The following NBPF20 variants were observed in gnomAD, a reference collection of about 807,000 sequenced individuals.
The protein encoded by NBPF20 is NBPF family member NBPF20.
Under a neutral mutation model 68.1 loss-of-function variants are expected in NBPF20, and 90 were observed. That is an observed-to-expected ratio of 1.32 (90% CI 1.11 to 1.58). NBPF20 has a LOEUF of 1.58. Among genes scored for constraint, NBPF20 ranks in the 40% most tolerant of loss-of-function variants. The probability of loss-of-function intolerance (pLI) is 0.00; values close to 1 mark genes in which losing one functional copy is unlikely to be tolerated. For synonymous variants in NBPF20, 290 were observed against 228.1 expected (o/e 1.27, Z -2.45); for missense variants, 816 against 601.2 (o/e 1.36, Z -3.74).
chr1:145,393,518 G>A (rs1398580494), intron 9 of NBPF20, among the ~76,000 whole-genome samples: 4 of 151,664 alleles, frequency 2.6e-5, no homozygotes, highest in Non-Finnish European at 4.4e-5. Flanking sequence ...TTGGTCAGGT[G>A]ACACACTGAT....
intron 7 of NBPF20, among the ~76,000 whole-genome samples, chr1:145,397,655 G>T (rs61810783): frequency 1.3e-5 from 2 of 152,138 alleles, no homozygotes; most frequent in African/African-American, 4.8e-5. Context: ...GACCATTGAC[G>T]CTAGGAAGAA....
At chr1:145,400,069 T>C (rs1254442828) in intron 6 of NBPF20, among the ~76,000 whole-genome samples, 1 of 152,140 alleles carries the variant, frequency 6.6e-6, no homozygotes, top group Admixed American at 6.6e-5. Flanking sequence ...TGGACATTGT[T>C]CAGGGACAGA....
At chr1:145,423,996 G>T in the NBPF20 span, among the ~76,000 whole-genome samples, 1 of 144,826 alleles carries the variant, frequency 6.9e-6, no homozygotes, top group Admixed American at 6.9e-5. Context: ...TTTTTTTGGA[G>T]ACAGGGTCTC....
At chr1:145,400,391 G>T (rs1662463994) in exon 6 of NBPF20, 2 of 1,612,758 alleles carry the variant, frequency 1.2e-6, no homozygotes, top group Non-Finnish European at 1.7e-6. Context: ...GAGGCTACCT[G>T]GAATAATGTG....
At chr1:145,291,428 G>A (rs782159895) in exon 138 of NBPF20, 36 of 1,609,444 alleles carry the variant, frequency 2.2e-5, no homozygotes, top group Non-Finnish European at 2.9e-5. Flanking sequence ...CCCATCCTAT[G>A]TCTGGGCTTC....
chr1:145,419,116 G>T, the NBPF20 span, among the ~76,000 whole-genome samples: 1 of 142,872 alleles, frequency 7.0e-6, no homozygotes, highest in African/African-American at 2.6e-5. Flanking sequence ...AGGGAGGGAG[G>T]GAGGCAGGGA....
At position 145,404,208 on chromosome 1, in the gene NBPF20, G is replaced by A. The variant is rs1849719; in HGVS notation, c.175+890C>T. 2.0e-3 allele frequency among the ~76,000 whole-genome samples: 304 copies of A among 149,268 alleles called. 1 individual carries two copies. Among genetic ancestry groups the A allele is most frequent in the African/African-American group, 7.3e-3 (292 of 40,226 alleles). On this transcript the variant is annotated intron_variant, in intron 2 of 137. Transcript: ENST00000369373. ...CCTGTGCACCAGGAAACAGGACTTC[G>A]CTCTCACCAAGCTACTCTCTGCTTT...
chr1:145,409,382 C>G (rs1337569244), upstream of NBPF20, among the ~76,000 whole-genome samples: 10 of 148,392 alleles, frequency 6.7e-5, no homozygotes, highest in Non-Finnish European at 7.5e-5. Context: ...ACAGGCCTCC[C>G]TAACAACTGT....
At chr1:145,422,872 G>A in the NBPF20 span, among the ~76,000 whole-genome samples, 10 of 150,056 alleles carry the variant, frequency 6.7e-5, no homozygotes, top group East Asian at 2.0e-4. Flanking sequence ...TCCTATAGTC[G>A]CAGCTACTCA....
exon 5 of NBPF20, chr1:145,401,074 T>G (rs1238893790): frequency 1.9e-6 from 3 of 1,608,222 alleles, no homozygotes; most frequent in Admixed American, 1.7e-5. Flanking sequence ...GGCAGACGAT[T>G]TCTGCACTTT....
chr1:145,292,662 T>A (rs1661214506), intron 136 of NBPF20, among the ~76,000 whole-genome samples, 173 bp from the exon 142 acceptor site: 1 of 147,188 alleles, frequency 6.8e-6, no homozygotes, highest in Non-Finnish European at 1.5e-5. Context: ...CTTCCTCGGT[T>A]TTTCTCCCAG....
upstream of NBPF20, among the ~76,000 whole-genome samples, chr1:145,410,036 T>G (rs1325058389): frequency 6.6e-6 from 1 of 152,010 alleles, no homozygotes; most frequent in Non-Finnish European, 1.5e-5. Context: ...AGACACAGTG[T>G]GTAAATTCCT....
chr1:145,409,506 G>A (rs1236806656), upstream of NBPF20, among the ~76,000 whole-genome samples: 3 of 149,426 alleles, frequency 2.0e-5, no homozygotes, highest in Admixed American at 6.7e-5. Context: ...TTTTGCCTAG[G>A]TTTTTCCTGG....
At chr1:145,394,274 T>C (rs1256465261) in intron 8 of NBPF20, among the ~76,000 whole-genome samples, 1 of 151,486 alleles carries the variant, frequency 6.6e-6, no homozygotes, top group Non-Finnish European at 1.5e-5. Flanking sequence ...TTAAGCTTTC[T>C]CTCATCAAAT....
At chr1:145,400,717 T>A (rs1213595861) in intron 5 of NBPF20, 123 bp from the exon 11 acceptor site, 1 of 1,457,222 alleles carries the variant, frequency 6.9e-7, no homozygotes, top group African/African-American at 1.4e-5. Flanking sequence ...AAAATGGAGG[T>A]TCCCATTAAG....
intron 2 of NBPF20, among the ~76,000 whole-genome samples, chr1:145,404,804 G>T (rs1396767674): frequency 6.6e-6 from 1 of 151,272 alleles, no homozygotes. Context: ...GTACAGAGAG[G>T]ATTCTTGAAA....
chr1:145,292,328 G>A (rs1661173472), intron 137 of NBPF20, 53 bp downstream of exon 142: 2 of 638,954 alleles, frequency 3.1e-6, no homozygotes, highest in African/African-American at 2.0e-5. Context: ...CCCTGAATCT[G>A]TTGCCTCCAG....
the NBPF20 span, among the ~76,000 whole-genome samples, chr1:145,416,066 G>A: frequency 6.6e-6 from 1 of 151,446 alleles, no homozygotes; most frequent in East Asian, 1.9e-4. Flanking sequence ...AGGAGGTGGA[G>A]GTTGCAGTGA....
At chr1:145,393,124 G>A in exon 10 of NBPF20, 2 of 678,900 alleles carry the variant, frequency 2.9e-6, no homozygotes, top group East Asian at 2.9e-5. Flanking sequence ...TACGTAAAAG[G>A]CACTTCTGTA....
Sources: gnomAD v4.1 joint callset for allele counts (sites outside exome capture counted in the v4.1 genomes callset) on GRCh38, gnomAD v4.1.1 for gene constraint, MANE v1.5 for transcripts, NCBI Gene and HGNC (gene_info 2026-07-23, HGNC 2026-07-21) for gene names.